Variants in PATL2 observed in about 807,000 individuals in gnomAD.
The protein encoded by PATL2 is protein PAT1 homolog 2.
PATL2 carries 73 observed loss-of-function variants against 77.0 expected under a neutral mutation model. That is an observed-to-expected ratio of 0.95 (90% CI 0.78 to 1.15). The LOEUF is 1.15. Ranked by LOEUF, PATL2 falls within the 50% of genes most tolerant of loss-of-function variation. The probability of loss-of-function intolerance (pLI) is 0.00; values close to 1 mark genes in which losing one functional copy is unlikely to be tolerated. For synonymous variants in PATL2, 265 were observed against 257.1 expected (o/e 1.03, Z -0.29); for missense variants, 618 against 655.4 (o/e 0.94, Z 0.62).
At chr15:44,709,794 T>C (rs372016771) in intron 3 of PATL2, among the ~76,000 whole-genome samples, 3 of 152,210 alleles carry the variant, frequency 2.0e-5, no homozygotes, top group African/African-American at 7.2e-5. Context: ...CTATCTGTAA[T>C]GGATTTTAAA....
intron 9 of PATL2, 125 bp downstream of exon 9, chr15:44,671,890 G>T (rs1215290465): frequency 8.2e-7 from 1 of 1,220,290 alleles, no homozygotes; most frequent in Non-Finnish European, 1.1e-6. Flanking sequence ...CCATCCTGTA[G>T]TGATTCTCTC....
intron 3 of PATL2, among the ~76,000 whole-genome samples, chr15:44,694,333 TA>T (rs2086458170): frequency 6.6e-6 from 1 of 152,234 alleles, no homozygotes; most frequent in South Asian, 2.1e-4. Context: ...TGACATATGA[TA>T]AATTGTCTTT....
chr15:44,673,486 C>T, intron 6 of PATL2, 109 bp from the exon 7 acceptor site: 1 of 1,388,030 alleles, frequency 7.2e-7, no homozygotes, highest in East Asian at 2.5e-5. Flanking sequence ...AAGAACTTCA[C>T]CCAACATTGT....
intron 3 of PATL2, among the ~76,000 whole-genome samples, chr15:44,696,068 T>G (rs2086496560): frequency 6.6e-6 from 1 of 152,120 alleles, no homozygotes; most frequent in Non-Finnish European, 1.5e-5. Flanking sequence ...AAAAGAATAT[T>G]TGGAGGAGAA....
chr15:44,666,945 G>A (rs2085403359), intron 16 of PATL2, 161 bp downstream of exon 16: 3 of 622,538 alleles, frequency 4.8e-6, no homozygotes, highest in Non-Finnish European at 5.7e-6. Context: ...GAAACTCTAG[G>A]GCACTATAGA....
intron 17 of PATL2, 131 bp downstream of exon 17, chr15:44,666,261 G>T: frequency 8.0e-7 from 1 of 1,253,618 alleles, no homozygotes; most frequent in Non-Finnish European, 1.1e-6. Context: ...AAATGTCAGT[G>T]TGTAGAACCA....
chr15:44,708,248 CATTATTCA>C lies in PATL2; in HGVS notation c.-76+1840_-76+1847del, dbSNP rs373984649. On this transcript the variant is annotated intron_variant, in intron 3 of 17. Transcript: ENST00000682850. Reference sequence around the variant, plus strand: ...TGAAGGTGCTTTTTTTTGTGTGGATCATTATTCAATTTGGTGTTCCTGCAGGGAGCAGG... The same window carrying C: ...TGAAGGTGCTTTTTTTTGTGTGGATCATTTGGTGTTCCTGCAGGGAGCAGG... Among the ~76,000 whole-genome samples the C allele has an allele frequency of 4.7e-3, 715 of 152,258 alleles. 7 individuals are homozygous for C. The highest frequency in any genetic ancestry group is 0.017 in the African/African-American group (694 of 41,552).
In PATL2 at chr15:44,699,967, G is replaced by A. The variant is rs547680977; in HGVS notation, c.-76+10129C>T. Among the ~76,000 whole-genome samples the A allele has an allele frequency of 5.3e-5, 8 of 152,248 alleles. No individual in the cohort carries two copies. The East Asian group carries it at 1.5e-3, about 29-fold the overall frequency. On this transcript the variant is annotated intron_variant, in intron 3 of 17. Coordinates refer to ENST00000682850, the MANE Select transcript of PATL2 (RefSeq NM_001387263.1). ...AGTTTTGTTCTTTTTGCTCAAGATA[G>A]TTTTGGCTGTTCTGGGCCTTTTGTG... is the stretch of plus-strand genomic sequence containing the variant.
intron 17 of PATL2, 50 bp downstream of exon 17, chr15:44,666,342 T>C: frequency 1.3e-6 from 2 of 1,544,562 alleles, no homozygotes; most frequent in Non-Finnish European, 1.8e-6. Context: ...TAACAGAACA[T>C]AGATTGGGCT....
chr15:44,674,470 G>A (rs937688714), intron 5 of PATL2: 5 of 463,846 alleles, frequency 1.1e-5, no homozygotes, highest in Admixed American at 3.7e-5. Flanking sequence ...TATATGTTCC[G>A]AGACCCCCAA....
At chr15:44,705,407 C>T (rs944321995) in intron 3 of PATL2, among the ~76,000 whole-genome samples, 2 of 152,142 alleles carry the variant, frequency 1.3e-5, no homozygotes, top group Non-Finnish European at 2.9e-5. Context: ...CTCTCGAACT[C>T]CTGACCTCAT....
chr15:44,708,205 C>A (rs1436657147), intron 3 of PATL2, among the ~76,000 whole-genome samples: 1 of 152,196 alleles, frequency 6.6e-6, no homozygotes, highest in East Asian at 1.9e-4. Flanking sequence ...TGATCACTCA[C>A]CTGATTTTTG....
intron 8 of PATL2, 81 bp downstream of exon 8, chr15:44,672,307 T>C: frequency 6.6e-7 from 1 of 1,523,940 alleles, no homozygotes; most frequent in Non-Finnish European, 8.9e-7. Context: ...CATGGGAGAT[T>C]TGAGGGAGAC....
chr15:44,673,404 A>T (rs1465815171), intron 6 of PATL2, 27 bp from the exon 7 acceptor site: 1 of 1,550,778 alleles, frequency 6.4e-7, no homozygotes, highest in Admixed American at 2.0e-5. Context: ...GAGGTCTGGG[A>T]GAACGCCATC....
chr15:44,706,170 T>G (rs1208284022), intron 3 of PATL2, among the ~76,000 whole-genome samples: 1 of 152,238 alleles, frequency 6.6e-6, no homozygotes, highest in Non-Finnish European at 1.5e-5. Context: ...CTCTGGTGCC[T>G]TATTCATTTG....
intron 3 of PATL2, among the ~76,000 whole-genome samples, chr15:44,683,105 G>C (rs2086170668): frequency 1.3e-5 from 2 of 152,174 alleles, no homozygotes; most frequent in African/African-American, 4.8e-5. Flanking sequence ...CAGAACAGGA[G>C]ATTCCCTCAG....
At chr15:44,686,341 A>T (rs1032678484) in intron 3 of PATL2, among the ~76,000 whole-genome samples, 6 of 152,246 alleles carry the variant, frequency 3.9e-5, no homozygotes, top group African/African-American at 1.4e-4. Context: ...GCAGAAATAA[A>T]TAAGTTCTTT....
At chr15:44,675,825 G>T (rs1303565182) in intron 4 of PATL2, 134 bp from the exon 5 acceptor site, 1 of 747,148 alleles carries the variant, frequency 1.3e-6, no homozygotes, top group Admixed American at 3.1e-5. Context: ...AACGCCTCCT[G>T]TTCTGTGGGT....
At chr15:44,688,804 A>T (rs1003808617) in intron 3 of PATL2, among the ~76,000 whole-genome samples, 1 of 152,258 alleles carries the variant, frequency 6.6e-6, no homozygotes, top group Non-Finnish European at 1.5e-5. Context: ...GGAGTGGGCA[A>T]AGACTTCATG....
Sources: gnomAD v4.1 joint callset for allele counts (sites outside exome capture counted in the v4.1 genomes callset) on GRCh38, gnomAD v4.1.1 for gene constraint, MANE v1.5 for transcripts, NCBI Gene and HGNC (gene_info 2026-07-23, HGNC 2026-07-21) for gene names.